Variants in FBN1 observed in about 807,000 individuals in gnomAD.
FBN1 encodes fibrillin 1, also known as fibrillin-1.
FBN1 carries 29 observed loss-of-function variants against 365.1 expected under a neutral mutation model. The ratio of observed to expected loss-of-function variants is 0.08; its 90% confidence interval spans 0.06 to 0.11. FBN1 has a LOEUF of 0.11. FBN1 is among the 10% of genes least tolerant of loss of function. FBN1 has a pLI of 1.00. For synonymous variants in FBN1, 1,210 were observed against 1,270.5 expected (o/e 0.95, Z 1.01); for missense variants, 2,476 against 3,703.2 (o/e 0.67, Z 8.60).
rs541161743 is a variant in FBN1, at chr15:48,412,896, G to A, written c.8052-153C>T. On this transcript the variant is annotated intron_variant, in intron 64 of 65. Transcript: ENST00000316623. ...CAGCTAGTTCTGAGAACTACATTGA[G>A]GTCCTCTGTTTGGCCTCTAATTCCC... 4.6e-5 allele frequency among the ~76,000 whole-genome samples: 7 copies of A among 152,340 alleles called. No homozygotes were observed. The South Asian group carries it at 1.2e-3, about 27-fold the overall frequency.
intron 9 of FBN1, among the ~76,000 whole-genome samples, chr15:48,522,076 G>A (rs545342812): frequency 1.8e-4 from 27 of 152,298 alleles, no homozygotes; most frequent in Non-Finnish European, 2.9e-4. Context: ...TGTGAACTGC[G>A]CATGCGAGGG....
chr15:48,601,080 T>C (rs1050904069), intron 4 of FBN1, among the ~76,000 whole-genome samples: 2 of 152,220 alleles, frequency 1.3e-5, no homozygotes, highest in African/African-American at 2.4e-5. Flanking sequence ...TTGTTTAAAC[T>C]GTAACCTCAA....
chr15:48,568,760 A>G (rs2140668372), intron 6 of FBN1, among the ~76,000 whole-genome samples: 1 of 152,230 alleles, frequency 6.6e-6, no homozygotes, highest in Middle Eastern at 3.4e-3. Context: ...TCTTTTCAAC[A>G]AATAGTACTA....
intron 12 of FBN1, among the ~76,000 whole-genome samples, chr15:48,514,768 C>T (rs1323843757): frequency 6.6e-6 from 1 of 152,100 alleles, no homozygotes; most frequent in African/African-American, 2.4e-5. Flanking sequence ...GGTAGGGTGT[C>T]TTAAATTGGA....
At chr15:48,627,966 G>A (rs959764643) in intron 2 of FBN1, among the ~76,000 whole-genome samples, 1 of 152,188 alleles carries the variant, frequency 6.6e-6, no homozygotes, top group Non-Finnish European at 1.5e-5. Context: ...CATCCACCTC[G>A]CATACCTAAA....
chr15:48,469,233 C>T (rs1566905009), intron 36 of FBN1, among the ~76,000 whole-genome samples: 1 of 138,504 alleles, frequency 7.2e-6, no homozygotes, highest in East Asian at 2.2e-4. Context: ...ACCAAAAATT[C>T]AGACACAGGT....
At chr15:48,520,428 T>C (rs983812385) in intron 10 of FBN1, among the ~76,000 whole-genome samples, 2 of 152,206 alleles carry the variant, frequency 1.3e-5, no homozygotes, top group Non-Finnish European at 2.9e-5. Context: ...TTCTGTTTAG[T>C]AGTAATAAGC....
In FBN1 at chr15:48,415,777, A is replaced by G. The variant is rs1472893191; in HGVS notation, c.7820-10T>C. 1.2e-6 allele frequency: 2 copies of G among 1,609,154 alleles called. No homozygotes were observed. The highest frequency in any genetic ancestry group is 1.7e-6 in the Non-Finnish European group (2 of 1,175,662). ...AGGCATTCGTTTTCATCTGCAGGCA[A>G]AATAAGAAGCGGCATGTGTGGCAGC... On this transcript the variant is annotated splice_polypyrimidine_tract_variant and intron_variant, in intron 63 of 65. Transcript: ENST00000316623.
intron 62 of FBN1, 34 bp downstream of exon 62, chr15:48,421,524 C>A (rs1566891634): frequency 1.2e-6 from 2 of 1,607,176 alleles, no homozygotes; most frequent in Non-Finnish European, 1.7e-6. Flanking sequence ...CACAAGGATT[C>A]ACCAGCTGGA....
At position 48,432,907 on chromosome 15, in the gene FBN1, G is replaced by A. The variant is rs1566894783; in HGVS notation, c.6698C>T (p.Pro2233Leu). The change falls in exon 55 of 66, where the codon CCC (proline) becomes CTC (leucine). Residue 2233 changes from proline to leucine, a missense_variant. This residue lies in a region of FBN1 where 1,780 missense variants were observed against 2,840.8 expected (regional missense o/e 0.63). Coordinates refer to ENST00000316623, the MANE Select transcript of FBN1 (RefSeq NM_000138.5). ...NTYGSYECKCPVGYVLREDRR... is the reference protein window; with the variant it reads ...NTYGSYECKCLVGYVLREDRR... ...GTCTTCTCTGAGCACATATCCCACG[G>A]GACATTTGCATTCATATGACCCATA... 6.2e-7 allele frequency: 1 copy of A among 1,613,608 alleles called. No homozygotes were observed. Among genetic ancestry groups the A allele is most frequent in the East Asian group, 2.2e-5 (1 of 44,872 alleles).
intron 7 of FBN1, among the ~76,000 whole-genome samples, chr15:48,536,103 G>C (rs986827709): frequency 1.3e-5 from 2 of 151,926 alleles, no homozygotes; most frequent in Non-Finnish European, 2.9e-5. Context: ...CCTGGTGGCA[G>C]AATCTCTTAG....
chr15:48,437,928 A>C lies in FBN1; in HGVS notation c.6164-11T>G, dbSNP rs1478026621. 1 of 1,613,400 alleles carries C rather than the reference A, an allele frequency of 6.2e-7. No individual in the cohort carries two copies. The highest frequency in any genetic ancestry group is 2.2e-5 in the East Asian group (1 of 44,860). ...AGCTCATTCGCAAATCTGCAGCATA[A>C]ATTTATGACACCCTTCAGTTGCTTT... On this transcript the variant is annotated splice_polypyrimidine_tract_variant and intron_variant, in intron 50 of 65. Transcript: ENST00000316623.
chr15:48,468,720 C>G (rs1354678283), intron 36 of FBN1, among the ~76,000 whole-genome samples, 186 bp from the exon 37 acceptor site: 1 of 152,094 alleles, frequency 6.6e-6, no homozygotes, highest in Non-Finnish European at 1.5e-5. Flanking sequence ...ATGATATAGT[C>G]TTTGGTGGTC....
intron 13 of FBN1, among the ~76,000 whole-genome samples, chr15:48,511,085 G>C (rs1339603274): frequency 6.6e-6 from 1 of 152,204 alleles, no homozygotes; most frequent in African/African-American, 2.4e-5. Context: ...TATCTATGCA[G>C]AGTTGAGGTC....
chr15:48,473,091 A>G (rs1234887574), intron 34 of FBN1, among the ~76,000 whole-genome samples: 2 of 152,294 alleles, frequency 1.3e-5, no homozygotes, highest in South Asian at 4.1e-4. Flanking sequence ...CTTAATCTCT[A>G]CCTAGTTTTC....
intron 58 of FBN1, 96 bp downstream of exon 58, chr15:48,427,471 G>T: frequency 7.9e-7 from 1 of 1,273,774 alleles, no homozygotes; most frequent in South Asian, 1.2e-5. Context: ...ATTCAACCTA[G>T]GCACATATTG....
In FBN1 at chr15:48,428,453, G is replaced by C. The variant is rs773785908; in HGVS notation, c.6890C>G (p.Thr2297Arg). The C allele has an allele frequency of 6.2e-7, 1 of 1,614,044 alleles. No homozygotes were observed. Among genetic ancestry groups the C allele is most frequent in the Non-Finnish European group, 8.5e-7 (1 of 1,179,964 alleles). ...EGCVDENECQ[T>R]KPGICENGRC... The stretch of plus-strand genomic sequence containing the variant: ...CCCATTCTCACAGATCCCTGGCTTC[G>C]TCTGACATTCATTCTCATCTGTTTG... The change falls in exon 57 of 66, where the codon ACG becomes AGG. Residue 2297 changes from threonine (T) to arginine (R), a missense_variant. Thr to Arg is a moderately conservative substitution (Grantham distance 71). Transcript: ENST00000316623.
In FBN1 at chr15:48,472,674, G is replaced by A; in HGVS notation, c.4213C>T (p.Leu1405Phe). 2 of 1,614,150 alleles carry A rather than the reference G, an allele frequency of 1.2e-6. No individual in the cohort carries two copies. The highest frequency in any genetic ancestry group is 8.5e-7 in the Non-Finnish European group (1 of 1,180,014). Residue 1405 changes from leucine (L) to phenylalanine (F), a missense_variant and splice_region_variant, in exon 35 of 66, where the codon CTT becomes TTT. Coordinates refer to ENST00000316623, the MANE Select transcript of FBN1 (RefSeq NM_000138.5). ...YTGDGFTCTD[L>F]DECSENLNLC... The stretch of plus-strand genomic sequence containing the variant: ...TTCAGGTTCTCAGAGCACTCATCAA[G>A]GTCTACAGCCAGAAAGAAACACACG...
At chr15:48,450,068 G>A (rs2043189259) in intron 45 of FBN1, among the ~76,000 whole-genome samples, 1 of 152,154 alleles carries the variant, frequency 6.6e-6, no homozygotes, top group African/African-American at 2.4e-5. Context: ...ACTACTACTA[G>A]CCTATGCAGA....
Sources: allele counts gnomAD v4.1 joint callset (sites outside exome capture counted in the v4.1 genomes callset), GRCh38; gene constraint gnomAD v4.1.1; regional missense constraint gnomAD v4.1.1; transcripts MANE v1.5; gene names NCBI Gene and HGNC (gene_info 2026-07-23, HGNC 2026-07-21).